Variants in ISLR2 observed in about 807,000 individuals in gnomAD.
ISLR2 encodes immunoglobulin superfamily containing leucine rich repeat 2.
In ISLR2, 16 loss-of-function variants were observed where a neutral mutation model predicts 25.5. The ratio of observed to expected loss-of-function variants is 0.63; its 90% CI spans 0.43 to 0.95. The LOEUF (loss-of-function observed/expected upper bound fraction) is 0.95. Among genes scored for constraint, ISLR2 ranks in the 40% least tolerant of loss-of-function variants. The pLI is 0.00. For synonymous variants in ISLR2, 508 were observed against 486.6 expected, an observed-to-expected ratio of 1.04 and a Z score of -0.58; for missense variants, 883 against 1,030.7, an observed-to-expected ratio of 0.86 and a Z score of 1.96.
chr15:74,137,204 TG>T (rs770314627), downstream of ISLR2, among the ~76,000 whole-genome samples: 3 of 152,234 alleles, frequency 2.0e-5, no homozygotes, highest in African/African-American at 4.8e-5. Context: ...GCCCAGTTTC[TG>T]TGTCTCCACA....
At chr15:74,115,656 C>T (rs547330753) in intron 2 of ISLR2, among the ~76,000 whole-genome samples, 2 of 152,148 alleles carry the variant, frequency 1.3e-5, no homozygotes, top group East Asian at 3.9e-4. Flanking sequence ...GATCACACCA[C>T]TGCACTCCAG....
downstream of ISLR2, among the ~76,000 whole-genome samples, chr15:74,140,236 T>A (rs1232957589): frequency 6.6e-6 from 1 of 152,152 alleles, no homozygotes; most frequent in Non-Finnish European, 1.5e-5. Context: ...AGATCTTGTG[T>A]CTGGAATGCA....
At chr15:74,121,460 C>T (rs1335548775) in intron 2 of ISLR2, among the ~76,000 whole-genome samples, 1 of 152,032 alleles carries the variant, frequency 6.6e-6, no homozygotes, top group South Asian at 2.1e-4. Context: ...CAATCTTTTC[C>T]TGGGAGGCGC....
At chr15:74,129,749 AG>A (rs1338529378), upstream of ISLR2, 1 of 149,506 alleles carries the variant, frequency 6.7e-6, no homozygotes, top group Non-Finnish European at 1.5e-5. The surrounding 1 kb of genome is among the most constrained non-coding windows in gnomAD (Gnocchi z 4.5). Flanking sequence ...CGGGGCGGTG[AG>A]GGGCCACCGC....
chr15:74,111,756 T>C (rs2072170026), intron 2 of ISLR2, among the ~76,000 whole-genome samples: 1 of 152,192 alleles, frequency 6.6e-6, no homozygotes, highest in Admixed American at 6.5e-5. Context: ...TTTTATAATG[T>C]TCTTGAAGTG....
upstream of ISLR2, among the ~76,000 whole-genome samples, chr15:74,125,096 G>C (rs1734720760): frequency 6.6e-6 from 1 of 152,206 alleles, no homozygotes; most frequent in Non-Finnish European, 1.5e-5. Flanking sequence ...ACCATGGCAA[G>C]TCCTGCCACG....
Position 74,136,569 on chromosome 15 carries a change from G to C in ISLR2, c.*1577G>C. On this transcript the variant is annotated 3_prime_UTR_variant, in exon 3 of 3. Coordinates refer to ENST00000453268, the MANE Select transcript of ISLR2 (RefSeq NM_020851.3). ...AGTGTAGGGGGGCGGGCGGGGGGGC[G>C]GATGGGCGGGGAGGGAGGGAAGGGG... 6.5e-6 allele frequency: 1 copy of C among 154,912 alleles called. No homozygotes were observed. The highest frequency in any genetic ancestry group is 2.4e-5 in the African/African-American group (1 of 41,010). 9.6% of individuals were successfully genotyped at this position (154,912 alleles called of 1,614,324 possible). A position where few individuals can be genotyped will look rare whatever the true frequency, so the allele number is the denominator to read the frequency against.
rs763666746 is a variant in ISLR2, at chr15:74,133,085, A to C, written c.331A>C (p.Ile111Leu). 1.9e-6 allele frequency: 3 copies of C among 1,612,834 alleles called. No homozygotes were observed. In the African/African-American group the frequency reaches 4.0e-5, roughly 22 times the overall value. ...GAACCTCGATCTGAGCCACAACTTC[A>C]TATCCAGCTTTCCGTGGAGCGACCT... ...LKNLDLSHNFISSFPWSDLRN... is the reference protein window; with the variant it reads ...LKNLDLSHNFLSSFPWSDLRN... Residue 111 changes from isoleucine (I) to leucine (L), a missense_variant, in exon 3 of 3, where the codon ATA (isoleucine) becomes CTA (leucine). Ile to Leu is a conservative substitution (Grantham distance 5). Around this residue, in one of 2 missense-constraint regions of ISLR2, gnomAD observed 271 missense variants for 387.9 expected, o/e 0.70. Coordinates refer to ENST00000453268, the MANE Select transcript of ISLR2 (RefSeq NM_020851.3).
chr15:74,106,409 C>A (rs1421908443), intron 2 of ISLR2, among the ~76,000 whole-genome samples: 1 of 152,156 alleles, frequency 6.6e-6, no homozygotes, highest in Non-Finnish European at 1.5e-5. Context: ...CTCATTATGG[C>A]CTTCAATGAC....
At chr15:74,117,308 CA>C (rs1303820236) in intron 2 of ISLR2, among the ~76,000 whole-genome samples, 2 of 152,200 alleles carry the variant, frequency 1.3e-5, no homozygotes, top group Non-Finnish European at 2.9e-5. Context: ...TCAATTGTCT[CA>C]GTCTGAAAAC....
Position 74,134,697 on chromosome 15 carries a change from G to A in ISLR2, c.1943G>A (p.Arg648His), listed in dbSNP as rs185463025. The stretch of plus-strand genomic sequence containing the variant: ...CGCATCGCCGCAGACTTCGACCCGC[G>A]TGCTTCGTACCTCGAGTCCGAGAAA... ...EKRIAADFDP[R>H]ASYLESEKSY... The change falls in exon 3 of 3, where the codon CGT becomes CAT. Residue 648 changes from arginine (R) to histidine (H), a missense_variant. Physicochemically the swap from Arg to His is conservative, Grantham distance 29 (BLOSUM62 0). Around this residue, in one of 2 missense-constraint regions of ISLR2, gnomAD observed 612 missense variants for 642.8 expected, o/e 0.95. Transcript: ENST00000453268. 6.8e-6 allele frequency: 11 copies of A among 1,614,118 alleles called. No individual in the cohort carries two copies. The African/African-American group carries it at 1.3e-4, about 20-fold the overall frequency.
chr15:74,109,333 T>C (rs1475706770), intron 2 of ISLR2, among the ~76,000 whole-genome samples: 1 of 151,784 alleles, frequency 6.6e-6, no homozygotes, highest in Non-Finnish European at 1.5e-5. Flanking sequence ...CTTGGGCAAG[T>C]CTCTCCCTCC....
rs371349144 is a variant in ISLR2, at chr15:74,133,660, A to C, written c.906A>C (p.Gly302=). The C allele has an allele frequency of 5.6e-6, 9 of 1,611,308 alleles. No individual in the cohort carries two copies. In the African/African-American group the frequency reaches 1.1e-4, roughly 19 times the overall value. ...GGGTTGGGGCGGAGGAAGGAGAGGG[A>C]GAAGGAGATGGGGATTTGCTGACGC... ...DDGVGAEEGE[G]EGDGDLLTQT... is the part of the protein sequence containing the mutation. Residue 302 remains glycine (G), a synonymous_variant, in exon 3 of 3, where the codon GGA becomes GGC. Coordinates refer to ENST00000453268, the MANE Select transcript of ISLR2 (RefSeq NM_020851.3).
rs1019814721 is a variant in ISLR2, at chr15:74,132,561, G to C, written c.-8-186G>C. Among the ~76,000 whole-genome samples, 4 of 152,180 alleles carry C rather than the reference G, an allele frequency of 2.6e-5. No individual in the cohort carries two copies. The highest frequency in any genetic ancestry group is 4.8e-5 in the African/African-American group (2 of 41,434). On this transcript the variant is annotated intron_variant, in intron 2 of 2. Coordinates refer to ENST00000453268, the MANE Select transcript of ISLR2 (RefSeq NM_020851.3). This position sits in a 1 kb window ranked among gnomAD's most constrained non-coding sequence, Gnocchi z 4.3. ...GAAAAGGAAATTAGGGCCCTGGGAG[G>C]GAGCATCCGTTGAACCTCGAGATTT...
Position 74,110,036 on chromosome 15 carries a change from C to T in ISLR2, n.228+6122C>T, listed in dbSNP as rs1452263456. 3.9e-5 allele frequency among the ~76,000 whole-genome samples: 6 copies of T among 152,138 alleles called. No homozygotes were observed. The East Asian group carries it at 1.2e-3, about 29-fold the overall frequency. Reference sequence around the variant, plus strand: ...CTTGAACTCCTTGGCTCGAGCAATTCACCTGCCTTGGCCTCCTAAAAGTTT... The same window carrying T: ...CTTGAACTCCTTGGCTCGAGCAATTTACCTGCCTTGGCCTCCTAAAAGTTT... On this transcript the variant is annotated intron_variant and non_coding_transcript_variant, in intron 2 of 3. Coordinates refer to the ISLR2 transcript ENST00000561975.
chr15:74,120,277 T>A (rs1248255901), intron 2 of ISLR2, among the ~76,000 whole-genome samples: 1 of 152,146 alleles, frequency 6.6e-6, no homozygotes, highest in Non-Finnish European at 1.5e-5. Flanking sequence ...GGCAGTAGGA[T>A]GAAGACAGAT....
rs1030236288 is a variant in ISLR2 at position 74,116,437 on chromosome 15, T to C, written n.228+12523T>C. ...AAGGAATAAAAATTTTCAAAAAATTTAATGAAGGCAAAATAAAGACTTTTT... is the reference window on the plus strand; with the variant it reads ...AAGGAATAAAAATTTTCAAAAAATTCAATGAAGGCAAAATAAAGACTTTTT... On this transcript the variant is annotated intron_variant and non_coding_transcript_variant, in intron 2 of 3. Coordinates refer to the ISLR2 transcript ENST00000561975. 4.6e-5 allele frequency among the ~76,000 whole-genome samples: 7 copies of C among 151,924 alleles called. 2 individuals are homozygous for C. Among genetic ancestry groups the C allele is most frequent in the Admixed American group, 1.3e-4 (2 of 15,252 alleles).
At chr15:74,119,147 A>C (rs2072233267) in intron 2 of ISLR2, among the ~76,000 whole-genome samples, 1 of 152,128 alleles carries the variant, frequency 6.6e-6, no homozygotes, top group Non-Finnish European at 1.5e-5. Context: ...TATATAATAA[A>C]TTGTCATTAA....
At chr15:74,140,457 T>C (rs1250859193), downstream of ISLR2, among the ~76,000 whole-genome samples, 2 of 152,148 alleles carry the variant, frequency 1.3e-5, no homozygotes, top group African/African-American at 2.4e-5. Flanking sequence ...GAGCCCCAGT[T>C]ATGAGACATT....
Sources: gnomAD v4.1 joint callset for allele counts (sites outside exome capture counted in the v4.1 genomes callset) on GRCh38, gnomAD v4.1.1 for gene constraint, gnomAD v4.1.1 regional missense constraint, Gnocchi (gnomAD v3.1) non-coding constraint, MANE v1.5 for transcripts, NCBI Gene and HGNC (gene_info 2026-07-23, HGNC 2026-07-21) for gene names.